The following PRKG1 variants were observed in gnomAD, a reference collection of about 807,000 sequenced individuals.
PRKG1 encodes protein kinase cGMP-dependent 1.
Under a neutral mutation model 88.1 loss-of-function variants are expected in PRKG1, and 35 were observed. That is an observed-to-expected ratio of 0.40 (90% confidence interval 0.30 to 0.53). PRKG1 has a LOEUF of 0.53. PRKG1 is among the 20% of genes least tolerant of loss of function. The pLI is 0.59. For synonymous variants in PRKG1, 303 were observed against 292.5 expected (o/e 1.04, Z -0.37); for missense variants, 540 against 839.8 (o/e 0.64, Z 4.41).
At chr10:51,319,145 T>C (rs1841392145) in intron 2 of PRKG1, among the ~76,000 whole-genome samples, 1 of 152,240 alleles carries the variant, frequency 6.6e-6, no homozygotes, top group Non-Finnish European at 1.5e-5. Context: ...CAGCATTCAC[T>C]GGGTTCTCCA....
chr10:50,997,661 G>T (rs768453218), intron 1 of PRKG1, among the ~76,000 whole-genome samples: 15 of 152,100 alleles, frequency 9.9e-5, no homozygotes, highest in Admixed American at 2.6e-4. Flanking sequence ...TAGGTTTCTT[G>T]TAGCTCTTGG....
At chr10:52,103,945 T>C (rs1321212924) in intron 7 of PRKG1, among the ~76,000 whole-genome samples, 1 of 150,172 alleles carries the variant, frequency 6.7e-6, no homozygotes, top group Non-Finnish European at 1.5e-5. Context: ...AAATCAGCCC[T>C]TAATTCTGTG....
intron 4 of PRKG1, among the ~76,000 whole-genome samples, chr10:51,885,812 C>G (rs151148688): frequency 5.3e-4 from 81 of 152,260 alleles, no homozygotes; most frequent in African/African-American, 1.9e-3. Flanking sequence ...TCTGCTTGGG[C>G]CTTTCCCCCG....
intron 9 of PRKG1, among the ~76,000 whole-genome samples, chr10:52,239,331 T>A (rs1406045096): frequency 2.3e-3 from 226 of 99,560 alleles, no homozygotes; most frequent in African/African-American, 7.2e-3. Flanking sequence ...TAAAAAAAAA[T>A]AAATAAATAA....
intron 3 of PRKG1, among the ~76,000 whole-genome samples, chr10:51,785,150 T>G (rs1838696735): frequency 6.7e-6 from 1 of 149,954 alleles, no homozygotes; most frequent in Non-Finnish European, 1.5e-5. Flanking sequence ...ATAAATATCC[T>G]AAAAAGACTA....
intron 5 of PRKG1, among the ~76,000 whole-genome samples, chr10:51,923,865 G>A (rs1217662260): frequency 1.4e-5 from 2 of 147,242 alleles, no homozygotes; most frequent in African/African-American, 2.5e-5. Context: ...GTCTCATTTT[G>A]TTGCCCAGGC....
chr10:51,390,131 T>TA (rs1379708697), intron 2 of PRKG1, among the ~76,000 whole-genome samples: 1 of 152,230 alleles, frequency 6.6e-6, no homozygotes, highest in Non-Finnish European at 1.5e-5. Context: ...CTTCAGTTGA[T>TA]AGTACAGCAT....
intron 2 of PRKG1, among the ~76,000 whole-genome samples, chr10:51,216,229 A>G (rs1424752315): frequency 3.3e-5 from 5 of 152,222 alleles, no homozygotes; most frequent in Non-Finnish European, 7.3e-5. Context: ...GACTAAAGAT[A>G]ACTACTTGGT....
chr10:51,886,968 G>A (rs1462204139), intron 4 of PRKG1, among the ~76,000 whole-genome samples: 1 of 144,652 alleles, frequency 6.9e-6, no homozygotes, highest in Non-Finnish European at 1.5e-5. Flanking sequence ...GATACACAGA[G>A]CCAAATGTAT....
intron 1 of PRKG1, among the ~76,000 whole-genome samples, chr10:51,114,464 T>A (rs954304074): frequency 2.0e-5 from 3 of 151,288 alleles, no homozygotes; most frequent in African/African-American, 7.3e-5. Flanking sequence ...GATGTGCACA[T>A]GCCTATGTTT....
chr10:51,209,458 A>C (rs1838155532), intron 2 of PRKG1, among the ~76,000 whole-genome samples: 1 of 152,160 alleles, frequency 6.6e-6, no homozygotes, highest in Admixed American at 6.6e-5. Flanking sequence ...TATAATGTGT[A>C]AGAACTGTTC....
At chr10:51,313,221 AG>A (rs902928463) in intron 2 of PRKG1, among the ~76,000 whole-genome samples, 11 of 152,064 alleles carry the variant, frequency 7.2e-5, no homozygotes, top group African/African-American at 2.7e-4. Context: ...GTTTGGGAAG[AG>A]GGGCCATAAC....
chr10:51,658,601 C>A (rs778121041), intron 3 of PRKG1, among the ~76,000 whole-genome samples: 1 of 151,840 alleles, frequency 6.6e-6, no homozygotes, highest in Non-Finnish European at 1.5e-5. Flanking sequence ...TCATCTAAAA[C>A]TCATTCTTCA....
intron 2 of PRKG1, among the ~76,000 whole-genome samples, chr10:51,391,175 C>G (rs926233046): frequency 6.6e-6 from 1 of 152,176 alleles, no homozygotes; most frequent in African/African-American, 2.4e-5. Flanking sequence ...AAACAGAACT[C>G]TTTTTTCTGC....
intron 2 of PRKG1, among the ~76,000 whole-genome samples, chr10:51,430,340 G>T (rs552112465): frequency 6.6e-6 from 1 of 152,242 alleles, no homozygotes; most frequent in South Asian, 2.1e-4. Context: ...AGGATTACTT[G>T]AGCCCAGGAG....
chr10:51,942,704 T>C (rs200604319), intron 5 of PRKG1, among the ~76,000 whole-genome samples: 16,134 of 150,124 alleles, frequency 0.11, 1,071 homozygotes, highest in East Asian at 0.34. Context: ...ATTTATTAAA[T>C]AGGGAATCCT....
rs180903796 is a variant in PRKG1 at position 51,234,200 on chromosome 10, T to G, written c.478+80870T>G. 2.6e-5 allele frequency among the ~76,000 whole-genome samples: 4 copies of G among 152,298 alleles called. No individual in the cohort carries two copies. In the East Asian group the frequency reaches 7.7e-4, roughly 29 times the overall value. ...AAGATCCTCTCGCCTTTTGAGATTCTGCATGGTAGTAAAACCCACTTCCTC... is the reference window on the plus strand; with the variant it reads ...AAGATCCTCTCGCCTTTTGAGATTCGGCATGGTAGTAAAACCCACTTCCTC... On this transcript the variant is annotated intron_variant, in intron 2 of 17. Transcript: ENST00000373980.
chr10:51,029,491 A>G (rs1225516847), intron 1 of PRKG1, among the ~76,000 whole-genome samples: 2 of 152,094 alleles, frequency 1.3e-5, no homozygotes, highest in African/African-American at 4.8e-5. Flanking sequence ...CATATTTCTC[A>G]TGCCGGAATG....
intron 2 of PRKG1, among the ~76,000 whole-genome samples, chr10:51,268,136 CA>C (rs1477687634): frequency 6.6e-6 from 1 of 151,994 alleles, no homozygotes; most frequent in Non-Finnish European, 1.5e-5. Context: ...TAGTGATTTT[CA>C]AAAGGGGAGG....
Sources: gnomAD v4.1 joint callset for allele counts (sites outside exome capture counted in the v4.1 genomes callset) on GRCh38, gnomAD v4.1.1 for gene constraint, MANE v1.5 for transcripts, NCBI Gene and HGNC (gene_info 2026-07-23, HGNC 2026-07-21) for gene names.